The following TLL1 variants were observed in gnomAD, a reference collection of about 807,000 sequenced individuals.
TLL1 encodes the protein tolloid like 1.
A neutral mutation model predicts 128.2 loss-of-function variants in TLL1; 49 were observed. The observed-to-expected ratio is 0.38, with a 90% CI of 0.30 to 0.48. The LOEUF is 0.48. Ranked by LOEUF, TLL1 falls within the 20% of genes least tolerant of loss-of-function variation. TLL1 has a pLI of 0.96. For synonymous variants in TLL1, 454 were observed against 418.8 expected, an observed-to-expected ratio of 1.08 and a Z score of -1.03; for missense variants, 1,123 against 1,242.0, an observed-to-expected ratio of 0.90 and a Z score of 1.44.
At chr4:165,974,867 T>C (rs566972674) in intron 1 of TLL1, among the ~76,000 whole-genome samples, 2 of 152,316 alleles carry the variant, frequency 1.3e-5, no homozygotes, top group Admixed American at 6.5e-5. Flanking sequence ...CTGTCACAGG[T>C]TGCGTTGCTT....
chr4:166,063,595 T>G (rs1740436444), intron 15 of TLL1, among the ~76,000 whole-genome samples: 1 of 152,166 alleles, frequency 6.6e-6, no homozygotes, highest in Non-Finnish European at 1.5e-5. Context: ...CCAACCCAAA[T>G]GTCCATCAAT....
At chr4:166,086,126 A>T (rs190271274) in intron 18 of TLL1, among the ~76,000 whole-genome samples, 1 of 152,250 alleles carries the variant, frequency 6.6e-6, no homozygotes, top group African/African-American at 2.4e-5. Flanking sequence ...CCTTTGTGAG[A>T]TAGGAGCATT....
intron 1 of TLL1, among the ~76,000 whole-genome samples, chr4:165,925,652 A>G (rs1255902359): frequency 6.6e-6 from 1 of 152,234 alleles, no homozygotes; most frequent in Admixed American, 6.5e-5. Context: ...GCAGTGGCAG[A>G]GTTTGAGAAG....
At position 165,878,783 on chromosome 4, in the gene TLL1, C is replaced by T. The variant is rs904514955; in HGVS notation, c.169+4710C>T. ...TAGAATTCTTGATTCAAGTAGGTGCCCAGTCAACCCTACTTGACTCAGTGT... is the reference window on the plus strand; with the variant it reads ...TAGAATTCTTGATTCAAGTAGGTGCTCAGTCAACCCTACTTGACTCAGTGT... On this transcript the variant is annotated intron_variant, in intron 1 of 20. Transcript: ENST00000061240. 6.6e-5 allele frequency among the ~76,000 whole-genome samples: 10 copies of T among 152,090 alleles called. No homozygotes were observed. In the East Asian group the frequency reaches 1.7e-3, roughly 26 times the overall value.
chr4:166,068,852 G>T (rs1402521541), intron 16 of TLL1, among the ~76,000 whole-genome samples: 1 of 151,758 alleles, frequency 6.6e-6, no homozygotes, highest in African/African-American at 2.4e-5. Context: ...GTAAAATGTT[G>T]TACGTGGTAA....
rs367887489 is a variant in TLL1 at position 166,055,142 on chromosome 4, C to T, written c.1591C>T (p.Pro531Ser). 1.7e-5 allele frequency: 28 copies of T among 1,613,118 alleles called. 1 individual carries two copies. The highest frequency in any genetic ancestry group is 1.6e-4 in the African/African-American group (12 of 74,822). ...EVRDGTSENS[P>S]LIGRFCGYDK... ...TAGAGATGGAACCAGTGAAAATAGC[C>T]CTTTGATAGGGCGTTTCTGTGGTTA... Residue 531 changes from proline (P) to serine (S), a missense_variant, in exon 13 of 21, where the codon CCT becomes TCT. Pro to Ser is a moderately conservative substitution (Grantham distance 74). Coordinates refer to ENST00000061240, the MANE Select transcript of TLL1 (RefSeq NM_012464.5).
chr4:165,910,953 G>A (rs1224118367), intron 1 of TLL1, among the ~76,000 whole-genome samples: 1 of 152,102 alleles, frequency 6.6e-6, no homozygotes, highest in Admixed American at 6.5e-5. Flanking sequence ...GTGATATTTT[G>A]TTACATGAAT....
At chr4:165,991,269 A>G (rs1736625260) in intron 2 of TLL1, among the ~76,000 whole-genome samples, 1 of 152,046 alleles carries the variant, frequency 6.6e-6, no homozygotes, top group African/African-American at 2.4e-5. Flanking sequence ...AACAGATCAT[A>G]CTGATAATAA....
intron 1 of TLL1, among the ~76,000 whole-genome samples, chr4:165,894,129 A>G (rs192137710): frequency 1.3e-5 from 2 of 152,298 alleles, no homozygotes; most frequent in Admixed American, 6.5e-5. Context: ...AGGACAATGT[A>G]TAGAATAATG....
intron 18 of TLL1, among the ~76,000 whole-genome samples, chr4:166,081,851 C>T (rs147390264): frequency 1.3e-4 from 20 of 152,042 alleles, no homozygotes; most frequent in African/African-American, 3.9e-4. Context: ...TGATATACCC[C>T]GGTTTTAAAA....
intron 1 of TLL1, among the ~76,000 whole-genome samples, chr4:165,936,204 A>ATTTT (rs1233905061): frequency 6.8e-4 from 90 of 132,334 alleles, no homozygotes; most frequent in East Asian, 3.1e-3. Context: ...ATATATATAT[A>ATTTT]TATTTTTTTT....
chr4:165,898,651 T>C (rs543396722), intron 1 of TLL1, among the ~76,000 whole-genome samples: 1 of 152,328 alleles, frequency 6.6e-6, no homozygotes, highest in African/African-American at 2.4e-5. Flanking sequence ...ATTAAGGATT[T>C]TGCATTGATG....
intron 1 of TLL1, among the ~76,000 whole-genome samples, chr4:165,986,858 C>G (rs1395425622): frequency 6.6e-6 from 1 of 152,062 alleles, no homozygotes; most frequent in East Asian, 1.9e-4. Context: ...TTTATGTGTA[C>G]TGCTTTTATC....
At chr4:165,929,405 G>A (rs1579499862) in intron 1 of TLL1, among the ~76,000 whole-genome samples, 2 of 152,226 alleles carry the variant, frequency 1.3e-5, no homozygotes, top group Middle Eastern at 3.4e-3. Flanking sequence ...CGGGTGTGGT[G>A]GCACATGCCT....
At chr4:165,875,707 A>T (rs1030666973) in intron 1 of TLL1, among the ~76,000 whole-genome samples, 12 of 152,282 alleles carry the variant, frequency 7.9e-5, no homozygotes, top group Middle Eastern at 3.4e-3. Context: ...TAATGTTGTA[A>T]CTTGCTGAAA....
At chr4:165,940,366 CTAATA>C (rs569651313) in intron 1 of TLL1, among the ~76,000 whole-genome samples, 268 of 151,900 alleles carry the variant, frequency 1.8e-3, no homozygotes, top group African/African-American at 6.0e-3. Context: ...TTTTCTCTTT[CTAATA>C]TGAGTTATAC....
chr4:165,996,935 T>C (rs1736909314), intron 5 of TLL1, among the ~76,000 whole-genome samples: 1 of 151,634 alleles, frequency 6.6e-6, no homozygotes, highest in South Asian at 2.1e-4. Context: ...TACCTATATT[T>C]GTGATTTTTA....
intron 1 of TLL1, among the ~76,000 whole-genome samples, chr4:165,966,897 A>T (rs1486607428): frequency 6.6e-6 from 1 of 152,190 alleles, no homozygotes; most frequent in Non-Finnish European, 1.5e-5. Flanking sequence ...ATCAGGAGAC[A>T]GGGCTTGAGA....
At chr4:166,049,554 C>A (rs919160251) in intron 12 of TLL1, among the ~76,000 whole-genome samples, 5 of 151,956 alleles carry the variant, frequency 3.3e-5, no homozygotes, top group African/African-American at 1.2e-4. Context: ...GAAGTGGCAG[C>A]AGTTAAATCA....
Sources: gnomAD v4.1 joint callset for allele counts (sites outside exome capture counted in the v4.1 genomes callset) on GRCh38, gnomAD v4.1.1 for gene constraint, MANE v1.5 for transcripts, NCBI Gene and HGNC (gene_info 2026-07-23, HGNC 2026-07-21) for gene names.